The following CDCP1 variants were observed in gnomAD, a reference collection of about 807,000 sequenced individuals.
CDCP1 encodes CUB domain-containing protein 1.
In CDCP1, 29 loss-of-function variants were observed where a neutral mutation model predicts 60.2. The ratio of observed to expected loss-of-function variants is 0.48; its 90% CI spans 0.36 to 0.66. The LOEUF (loss-of-function observed/expected upper bound fraction) is 0.66. Among genes scored for constraint, CDCP1 ranks in the 30% least tolerant of loss-of-function variants. CDCP1 has a pLI of 0.00. For missense variants in CDCP1, 876 were observed against 1,074.3 expected (o/e 0.82, Z 2.58); for synonymous variants, 387 against 431.1 (o/e 0.90, Z 1.27).
chr3:45,144,022 C>T (rs1310319640), intron 1 of CDCP1, among the ~76,000 whole-genome samples: 2 of 152,130 alleles, frequency 1.3e-5, no homozygotes, highest in Non-Finnish European at 2.9e-5. Flanking sequence ...GTCACTGACC[C>T]AGACTCTGGT....
Position 45,098,945 on chromosome 3 carries a change from T to C in CDCP1, c.1025-3377A>G, listed in dbSNP as rs185732098. 2.0e-5 allele frequency among the ~76,000 whole-genome samples: 3 copies of C among 152,232 alleles called. No individual in the cohort carries two copies. The East Asian group carries it at 5.8e-4, about 29-fold the overall frequency. ...TTTCAATAAATTTGAAAACATTAGG[T>C]ACTTCCTCAACTTCTTAAGAAATCT... On this transcript the variant is annotated intron_variant, in intron 4 of 8. Coordinates refer to ENST00000296129, the MANE Select transcript of CDCP1 (RefSeq NM_022842.5).
At chr3:45,118,383 T>C in intron 2 of CDCP1, 29 bp downstream of exon 2, 1 of 1,531,928 alleles carries the variant, frequency 6.5e-7, no homozygotes, top group Non-Finnish European at 9.0e-7. Flanking sequence ...TAAAAGACAT[T>C]GTCAAACAGC....
rs1458834323 is a variant in CDCP1, at chr3:45,108,890, TATATATATATATGCATGTATAC to T, written c.1024+1561_1024+1582del. Among the ~76,000 whole-genome samples, 127 of 48,148 alleles carry T rather than the reference TATATATATATATGCATGTATAC, an allele frequency of 2.6e-3. 36 individuals carry two copies. Among genetic ancestry groups the T allele is most frequent in the African/African-American group, 9.1e-3 (119 of 13,088 alleles). 31.6% of individuals were successfully genotyped at this position (48,148 alleles called of 152,430 possible). Reference sequence around the variant, plus strand: ...GTATATATATATATGCATGTATACATATATATATATATGCATGTATACATATATATATATATGCATGTATACA... The same window carrying T: ...GTATATATATATATGCATGTATACATATATATATATATATGCATGTATACA... On this transcript the variant is annotated intron_variant, in intron 4 of 8. Coordinates refer to ENST00000296129, the MANE Select transcript of CDCP1 (RefSeq NM_022842.5).
At chr3:45,146,424 G>A, upstream of CDCP1, 2 of 643,428 alleles carry the variant, frequency 3.1e-6, no homozygotes, top group Non-Finnish European at 4.9e-6. Flanking sequence ...GCCCCGCCCT[G>A]CGCAGCAGGA....
intron 1 of CDCP1, among the ~76,000 whole-genome samples, chr3:45,127,281 C>A (rs1222291994): frequency 1.3e-5 from 2 of 152,058 alleles, no homozygotes; most frequent in African/African-American, 2.4e-5. Context: ...TTGTATTGTT[C>A]TTTTTTGGCA....
chr3:45,126,880 GGTAGGTTAAGTAAT>G (rs1224459652), intron 1 of CDCP1, among the ~76,000 whole-genome samples: 1 of 152,130 alleles, frequency 6.6e-6, no homozygotes, highest in Admixed American at 6.5e-5. Context: ...CTGAGGCTTG[GGTAGGTTAAGTAAT>G]GTACCCAGGC....
intron 1 of CDCP1, among the ~76,000 whole-genome samples, chr3:45,134,674 T>C (rs1699164279): frequency 6.6e-6 from 1 of 152,190 alleles, no homozygotes; most frequent in Admixed American, 6.5e-5. Flanking sequence ...AACAGGTTTC[T>C]GAATGAAGCC....
chr3:45,125,400 AC>A (rs1227337971), intron 1 of CDCP1, among the ~76,000 whole-genome samples: 1 of 152,130 alleles, frequency 6.6e-6, no homozygotes, highest in Non-Finnish European at 1.5e-5. Flanking sequence ...TCCCGGCACT[AC>A]CACTCACCCA....
intron 4 of CDCP1, among the ~76,000 whole-genome samples, chr3:45,095,848 T>C (rs1202043855): frequency 1.3e-5 from 2 of 152,172 alleles, no homozygotes; most frequent in Non-Finnish European, 2.9e-5. Flanking sequence ...AAAATATCTG[T>C]CTGATGATAG....
chr3:45,093,876 C>T (rs991770322), intron 5 of CDCP1, among the ~76,000 whole-genome samples: 3 of 152,182 alleles, frequency 2.0e-5, no homozygotes, highest in African/African-American at 7.2e-5. Context: ...ACTAAGCTGG[C>T]AAACAAACTT....
intron 4 of CDCP1, among the ~76,000 whole-genome samples, chr3:45,108,303 T>C (rs1210105750): frequency 6.6e-6 from 1 of 152,080 alleles, no homozygotes; most frequent in African/African-American, 2.4e-5. Flanking sequence ...CCCAAAGATA[T>C]TTCTGCCGCC....
chr3:45,088,958 A>G, intron 8 of CDCP1, 96 bp downstream of exon 8: 1 of 993,148 alleles, frequency 1.0e-6, no homozygotes, highest in South Asian at 1.4e-5. Context: ...AAAAAATGGG[A>G]AGCAAGAAAA....
chr3:45,098,312 C>T (rs1698435305), intron 4 of CDCP1, among the ~76,000 whole-genome samples: 1 of 152,132 alleles, frequency 6.6e-6, no homozygotes, highest in African/African-American at 2.4e-5. Context: ...GATTCTCCTG[C>T]TTTAGCCTCC....
chr3:45,104,733 C>T (rs1470557470), intron 4 of CDCP1, among the ~76,000 whole-genome samples: 1 of 152,196 alleles, frequency 6.6e-6, no homozygotes, highest in Non-Finnish European at 1.5e-5. Flanking sequence ...CATAGTTTTT[C>T]TACAACATTG....
In CDCP1 at chr3:45,083,842, G is replaced by A. The variant is rs1454402718; in HGVS notation, c.*1796C>T. On this transcript the variant is annotated 3_prime_UTR_variant, in exon 9 of 9. Transcript: ENST00000296129. Reference sequence around the variant, plus strand: ...GAGAATTGCTTGAGCCCAGGAGGCAGAGGTTGCAGTGAGCCGAGATTGCGC... The same window carrying A: ...GAGAATTGCTTGAGCCCAGGAGGCAAAGGTTGCAGTGAGCCGAGATTGCGC... 6.6e-6 allele frequency: 1 copy of A among 151,756 alleles called. No homozygotes were observed. Among genetic ancestry groups the A allele is most frequent in the African/African-American group, 2.4e-5 (1 of 41,258 alleles). The allele number at this position is 151,756 out of a possible 1,614,324, so 9.4% of individuals were successfully genotyped here. A position where few individuals can be genotyped will look rare whatever the true frequency, so the allele number is the denominator to read the frequency against.
In CDCP1 at chr3:45,108,744, CATATATATGCATGTATAT is replaced by C. The variant is rs1559392482; in HGVS notation, c.1024+1711_1024+1728del. On this transcript the variant is annotated intron_variant, in intron 4 of 8. Transcript: ENST00000296129. ...GTATACATATATATATGCATGTATA[CATATATATGCATGTATAT>C]ATATATATGCATGTATACATATATA... Among the ~76,000 whole-genome samples the C allele has an allele frequency of 5.6e-5, 6 of 107,402 alleles. 1 individual carries two copies. The highest frequency in any genetic ancestry group is 1.8e-4 in the Admixed American group (2 of 11,294). The allele number at this position is 107,402 out of a possible 152,430, so 70.5% of individuals were successfully genotyped here.
At chr3:45,107,905 C>T (rs1209741507) in intron 4 of CDCP1, among the ~76,000 whole-genome samples, 2 of 151,928 alleles carry the variant, frequency 1.3e-5, no homozygotes, top group Non-Finnish European at 2.9e-5. Flanking sequence ...TCACTTGAGG[C>T]CAGGAGTTCA....
intron 1 of CDCP1, among the ~76,000 whole-genome samples, chr3:45,126,506 A>G (rs1450327103): frequency 1.3e-5 from 2 of 152,092 alleles, no homozygotes; most frequent in Admixed American, 1.3e-4. Flanking sequence ...TGGTTTAGAC[A>G]CTCAAAATCC....
chr3:45,092,356 A>C (rs1203138369), intron 6 of CDCP1, among the ~76,000 whole-genome samples: 1 of 152,164 alleles, frequency 6.6e-6, no homozygotes. Context: ...CAGAGATTAA[A>C]ATATCTTCAG....
Sources: allele counts gnomAD v4.1 joint callset (sites outside exome capture counted in the v4.1 genomes callset), GRCh38; gene constraint gnomAD v4.1.1; transcripts MANE v1.5; gene names NCBI Gene and HGNC (gene_info 2026-07-23, HGNC 2026-07-21).